The following XRCC6 variants were observed in gnomAD, a reference collection of about 807,000 sequenced individuals.
XRCC6 encodes the protein DNA repair protein Ku70.
A neutral mutation model predicts 65.7 loss-of-function variants in XRCC6; 5 were observed. The ratio of observed to expected loss-of-function variants is 0.08; its 90% CI spans 0.04 to 0.16. The LOEUF (loss-of-function observed/expected upper bound fraction) is 0.16. Ranked by LOEUF, XRCC6 falls within the 10% of genes least tolerant of loss-of-function variation. The pLI is 1.00. For missense variants in XRCC6, 447 were observed against 738.1 expected (o/e 0.61, Z 4.57); for synonymous variants, 270 against 270.6 (o/e 1.00, Z 0.02).
intron 6 of XRCC6, among the ~76,000 whole-genome samples, chr22:41,638,645 C>T (rs965455328): frequency 2.0e-5 from 3 of 151,742 alleles, no homozygotes; most frequent in East Asian, 1.9e-4. Context: ...ATTAGCTGGA[C>T]GTGATGGCGC....
chr22:41,630,489 C>CTT (rs34290865), intron 3 of XRCC6, among the ~76,000 whole-genome samples: 6,893 of 141,688 alleles, frequency 0.049, 509 homozygotes, highest in African/African-American at 0.16. Context: ...ATTAGTGTTT[C>CTT]TTTTTTTTTT....
At chr22:41,650,606 C>A in intron 7 of XRCC6, 117 bp from the exon 8 acceptor site, 1 of 1,063,116 alleles carries the variant, frequency 9.4e-7, no homozygotes, top group Non-Finnish European at 1.4e-6. Flanking sequence ...CCCAGGTGAG[C>A]CATCTTCCTG....
intron 11 of XRCC6, among the ~76,000 whole-genome samples, chr22:41,659,180 G>A (rs1010750725): frequency 6.6e-6 from 1 of 152,002 alleles, no homozygotes; most frequent in African/African-American, 2.4e-5. Flanking sequence ...AGACAAAATA[G>A]CCCCAGTGTT....
In XRCC6 at chr22:41,631,343, C is replaced by T. The variant is rs1188155203; in HGVS notation, c.195+3113C>T. Among the ~76,000 whole-genome samples, 9 of 149,038 alleles carry T rather than the reference C, an allele frequency of 6.0e-5. No individual in the cohort carries two copies. The South Asian group carries it at 6.4e-4, about 11-fold the overall frequency. On this transcript the variant is annotated intron_variant, in intron 3 of 12. Transcript: ENST00000360079. ...CTCACTTCCCAGATGGGGTGGCTGC[C>T]GGGCGGAGGGGCTCCTCACTTCTCA... is the stretch of plus-strand genomic sequence containing the variant.
At chr22:41,656,800 C>T in intron 9 of XRCC6, 103 bp from the exon 10 acceptor site, 1 of 1,536,604 alleles carries the variant, frequency 6.5e-7, no homozygotes. Context: ...TACGGGGCCC[C>T]AGCCCCAGCA....
chr22:41,663,548 C>A, intron 12 of XRCC6, 74 bp from the exon 13 acceptor site: 1 of 1,507,758 alleles, frequency 6.6e-7, no homozygotes, highest in Non-Finnish European at 9.0e-7. Flanking sequence ...TATACGAGGT[C>A]CCCCATGCCA....
chr22:41,651,229 C>CA (rs374698229), intron 8 of XRCC6, among the ~76,000 whole-genome samples: 1 of 152,016 alleles, frequency 6.6e-6, no homozygotes, highest in African/African-American at 2.4e-5. Context: ...ACCTGGGAGA[C>CA]AGAGGTTGCA....
chr22:41,655,132 C>T (rs1431574257), intron 9 of XRCC6, among the ~76,000 whole-genome samples: 1 of 152,060 alleles, frequency 6.6e-6, no homozygotes, highest in Non-Finnish European at 1.5e-5. Flanking sequence ...TATTTAATAA[C>T]GGCCCCAAAG....
At position 41,637,807 on chromosome 22, in the gene XRCC6, G is replaced by T. The variant is rs778659117; in HGVS notation, c.773+16G>T. 1 of 1,611,286 alleles carries T rather than the reference G, an allele frequency of 6.2e-7. No individual in the cohort carries two copies. The highest frequency in any genetic ancestry group is 8.5e-7 in the Non-Finnish European group (1 of 1,178,732). On this transcript the variant is annotated intron_variant, in intron 6 of 12. Transcript: ENST00000360079. Reference sequence around the variant, plus strand: ...CACTCAGCAGGTGTGCACTCAGCCCGGGTCAGCTGCCTACACTGCCCTTAA... The same window carrying T: ...CACTCAGCAGGTGTGCACTCAGCCCTGGTCAGCTGCCTACACTGCCCTTAA...
At chr22:41,643,479 A>G (rs1463578608) in intron 6 of XRCC6, among the ~76,000 whole-genome samples, 1 of 152,044 alleles carries the variant, frequency 6.6e-6, no homozygotes, top group African/African-American at 2.4e-5. Context: ...GCTGCATCGT[A>G]TACATTTTGA....
Position 41,621,985 on chromosome 22 carries a change from C to T in XRCC6, c.-15-5C>T, listed in dbSNP as rs2067612352. The T allele has an allele frequency of 6.2e-7, 1 of 1,613,956 alleles. No homozygotes were observed. The highest frequency in any genetic ancestry group is 8.5e-7 in the Non-Finnish European group (1 of 1,179,828). On this transcript the variant is annotated splice_region_variant and splice_polypyrimidine_tract_variant and intron_variant, in intron 1 of 12. Transcript: ENST00000360079. ...CTGTTACTGACGTTAACGTCTTTCGCCTAGTGAGCAGTAGCCAACATGTCA... is the reference window on the plus strand; with the variant it reads ...CTGTTACTGACGTTAACGTCTTTCGTCTAGTGAGCAGTAGCCAACATGTCA...
chr22:41,634,279 GT>G (rs1477486197), intron 3 of XRCC6, among the ~76,000 whole-genome samples: 1 of 151,146 alleles, frequency 6.6e-6, no homozygotes, highest in Non-Finnish European at 1.5e-5. Context: ...TTGACCTCCT[GT>G]GCTCAGGTGA....
At chr22:41,657,175 C>T in intron 10 of XRCC6, 143 bp downstream of exon 10, 1 of 1,093,070 alleles carries the variant, frequency 9.1e-7, no homozygotes, top group East Asian at 3.0e-5. Flanking sequence ...TTTTTGAAAG[C>T]CATATAGAGA....
At chr22:41,648,051 C>CCTCCT (rs2067954322) in intron 7 of XRCC6, 1 of 111,822 alleles carries the variant, frequency 8.9e-6, no homozygotes, top group Non-Finnish European at 1.9e-5. Context: ...CCTCCCCTCC[C>CCTCCT]CTCCCCTCCT....
rs942198447 is a variant in XRCC6, at chr22:41,643,605, G to C, written c.774-3291G>C. On this transcript the variant is annotated intron_variant, in intron 6 of 12. Transcript: ENST00000360079. ...GGAGGCCGAGACGGGTGGATCACCT[G>C]AGGTCAGTAGTGCCAGACCAGCCTG... Among the ~76,000 whole-genome samples, 3 of 152,076 alleles carry C rather than the reference G, an allele frequency of 2.0e-5. No homozygotes were observed. The South Asian group carries it at 6.2e-4, about 31-fold the overall frequency.
intron 6 of XRCC6, among the ~76,000 whole-genome samples, chr22:41,638,998 A>G (rs1158713219): frequency 6.6e-6 from 1 of 152,124 alleles, no homozygotes; most frequent in East Asian, 1.9e-4. Flanking sequence ...GCCTTGTGCG[A>G]CAAACTTACG....
intron 3 of XRCC6, among the ~76,000 whole-genome samples, chr22:41,635,707 T>A (rs202208458): frequency 1.4e-5 from 1 of 72,236 alleles, no homozygotes; most frequent in Non-Finnish European, 4.4e-5. Flanking sequence ...CTAATTTTTT[T>A]GTTTTTTTTT....
chr22:41,646,028 ACATGG>A (rs2067928626), intron 6 of XRCC6, among the ~76,000 whole-genome samples: 1 of 151,948 alleles, frequency 6.6e-6, no homozygotes, highest in Non-Finnish European at 1.5e-5. Context: ...ACAAGGCCAA[ACATGG>A]TAGCTCACAC....
chr22:41,643,811 A>G (rs1018303764), intron 6 of XRCC6, among the ~76,000 whole-genome samples: 18 of 140,310 alleles, frequency 1.3e-4, no homozygotes, highest in African/African-American at 4.7e-4. Flanking sequence ...ACAGAGTGAG[A>G]CTCCATCTCA....
Sources: allele counts gnomAD v4.1 joint callset (sites outside exome capture counted in the v4.1 genomes callset), GRCh38; gene constraint gnomAD v4.1.1; transcripts MANE v1.5; gene names NCBI Gene and HGNC (gene_info 2026-07-23, HGNC 2026-07-21).